Variants in SIMC1 observed in about 807,000 individuals in gnomAD.
SIMC1 encodes the protein SUMO interacting motifs containing 1.
Under a neutral mutation model 82.3 loss-of-function variants are expected in SIMC1, and 55 were observed. The ratio of observed to expected loss-of-function variants is 0.67; its 90% CI spans 0.54 to 0.84. The LOEUF is 0.84. Among genes scored for constraint, SIMC1 ranks in the 40% least tolerant of loss-of-function variants. The pLI is 0.00. For missense variants in SIMC1, 915 were observed against 1,107.2 expected (o/e 0.83, Z 2.46); for synonymous variants, 353 against 426.3 (o/e 0.83, Z 2.12).
Position 176,290,264 on chromosome 5 carries a change from TGTC to T in SIMC1, c.741_743del (p.Ser248del), listed in dbSNP as rs753682911. ...GCCTCCTCATGCCCACCACGAGCCTTGTCATGCCCATCACAAACCATGCAGTGC... is the reference window on the plus strand; with the variant it reads ...GCCTCCTCATGCCCACCACGAGCCTTATGCCCATCACAAACCATGCAGTGC... On this transcript the variant is annotated inframe_deletion, in exon 2 of 10. Coordinates refer to ENST00000429602, the MANE Select transcript of SIMC1 (RefSeq NM_001308195.2). 5.6e-6 allele frequency: 9 copies of T among 1,610,638 alleles called. No homozygotes were observed. In the East Asian group the frequency reaches 1.3e-4, roughly 24 times the overall value.
intron 7 of SIMC1, among the ~76,000 whole-genome samples, chr5:176,333,175 G>A (rs967422055): frequency 4.6e-5 from 7 of 151,832 alleles, no homozygotes; most frequent in Non-Finnish European, 7.4e-5. Context: ...GTGGTGGTGC[G>A]CACCTGTCAT....
chr5:176,271,059 G>A (rs148737785), intron 1 of SIMC1, among the ~76,000 whole-genome samples: 23 of 152,252 alleles, frequency 1.5e-4, no homozygotes, highest in African/African-American at 3.6e-4. Context: ...TCACAGCACC[G>A]GGAGGAGAGG....
chr5:176,318,200 G>A (rs1765001812), intron 5 of SIMC1, among the ~76,000 whole-genome samples: 1 of 152,166 alleles, frequency 6.6e-6, no homozygotes, highest in Non-Finnish European at 1.5e-5. Context: ...CCAGTCAGAG[G>A]TACTTTCAAT....
intron 1 of SIMC1, among the ~76,000 whole-genome samples, chr5:176,286,211 G>A (rs1181068648): frequency 6.6e-6 from 1 of 152,288 alleles, no homozygotes; most frequent in Non-Finnish European, 1.5e-5. Flanking sequence ...AAAGCTGGAG[G>A]CATCATGCTA....
At chr5:176,321,885 C>CTTTTTTTTTTTT (rs11418187) in intron 5 of SIMC1, among the ~76,000 whole-genome samples, 38 of 90,732 alleles carry the variant, frequency 4.2e-4, no homozygotes, top group Admixed American at 4.8e-4. Flanking sequence ...TTTTAGTTAG[C>CTTTTTTTTTTTT]TTTTTTTTTT....
chr5:176,271,849 CA>C (rs1217009040), intron 1 of SIMC1, among the ~76,000 whole-genome samples: 1 of 144,398 alleles, frequency 6.9e-6, no homozygotes, highest in Non-Finnish European at 1.5e-5. Flanking sequence ...TCATGTACCC[CA>C]TAGATATATA....
At chr5:176,319,643 T>C (rs1034541916) in intron 5 of SIMC1, among the ~76,000 whole-genome samples, 1 of 152,138 alleles carries the variant, frequency 6.6e-6, no homozygotes, top group Non-Finnish European at 1.5e-5. Context: ...CTGGGCAACA[T>C]AGCAAGACCC....
intron 1 of SIMC1, among the ~76,000 whole-genome samples, chr5:176,264,588 G>C (rs1414594453): frequency 6.6e-6 from 1 of 151,520 alleles, no homozygotes; most frequent in African/African-American, 2.4e-5. Context: ...TAGGCCTCTA[G>C]GCCTTTTTCC....
chr5:176,327,170 T>A (rs906280103), intron 7 of SIMC1, among the ~76,000 whole-genome samples: 1 of 152,036 alleles, frequency 6.6e-6, no homozygotes, highest in Non-Finnish European at 1.5e-5. Context: ...CAAAAAAAAA[T>A]TAGGAATTAA....
intron 4 of SIMC1, among the ~76,000 whole-genome samples, chr5:176,311,920 C>T (rs1474831121): frequency 6.6e-6 from 1 of 152,088 alleles, no homozygotes; most frequent in Non-Finnish European, 1.5e-5. Context: ...AGGGACAGGA[C>T]CTCTGAAAAT....
chr5:176,275,238 A>G lies in SIMC1; in HGVS notation c.130-14416A>G, dbSNP rs796438932. 1.4e-4 allele frequency among the ~76,000 whole-genome samples: 22 copies of G among 151,804 alleles called. No individual in the cohort carries two copies. The South Asian group carries it at 3.7e-3, about 26-fold the overall frequency. On this transcript the variant is annotated intron_variant, in intron 1 of 9. Transcript: ENST00000429602. ...TAGGTATTTTATTCTCTTTGAAGCA[A>G]TTGTGAATGGGAGTTCACTCATGAT...
rs552944517 is a variant in SIMC1 at position 176,305,614 on chromosome 5, G to A, written c.1735-8077G>A. Among the ~76,000 whole-genome samples the A allele has an allele frequency of 1.1e-4, 16 of 142,446 alleles. No individual in the cohort carries two copies. The East Asian group carries it at 1.3e-3, about 11-fold the overall frequency. 93.5% of individuals were successfully genotyped at this position (142,446 alleles called of 152,430 possible). On this transcript the variant is annotated intron_variant, in intron 4 of 9. Coordinates refer to ENST00000429602, the MANE Select transcript of SIMC1 (RefSeq NM_001308195.2). Reference sequence around the variant, plus strand: ...AGCCCTCCGCCCGGCCAACCCCCCCGTCTGGGAGGTGAGGGGCGCCTCTGC... The same window carrying A: ...AGCCCTCCGCCCGGCCAACCCCCCCATCTGGGAGGTGAGGGGCGCCTCTGC...
At chr5:176,263,316 T>G (rs1762078634) in intron 1 of SIMC1, 2 of 829,744 alleles carry the variant, frequency 2.4e-6, no homozygotes, top group Admixed American at 6.7e-5. Context: ...GACAAAAGAT[T>G]CAGAATAGCT....
intron 5 of SIMC1, among the ~76,000 whole-genome samples, chr5:176,315,006 A>T (rs1414317070): frequency 2.0e-5 from 3 of 152,206 alleles, no homozygotes. Context: ...AATGTTCGGT[A>T]GATTGGGTGC....
chr5:176,340,316 C>A (rs4623164), intron 9 of SIMC1, among the ~76,000 whole-genome samples: 20,410 of 152,206 alleles, frequency 0.13, 1,420 homozygotes, highest in Middle Eastern at 0.21. Flanking sequence ...CAATCCCCCC[C>A]ACCCCAGTTG....
chr5:176,326,045 A>G (rs754888141), intron 7 of SIMC1, among the ~76,000 whole-genome samples: 35 of 152,224 alleles, frequency 2.3e-4, no homozygotes, highest in Non-Finnish European at 4.7e-4. Flanking sequence ...GAAGAAAACT[A>G]AACTAGAATG....
intron 5 of SIMC1, among the ~76,000 whole-genome samples, chr5:176,317,072 C>G (rs1764944583): frequency 1.3e-5 from 2 of 151,976 alleles, no homozygotes; most frequent in Non-Finnish European, 2.9e-5. Context: ...TGTGCTTACT[C>G]AATGAAAAAA....
chr5:176,315,723 G>A (rs1284597830), intron 5 of SIMC1, among the ~76,000 whole-genome samples: 1 of 151,998 alleles, frequency 6.6e-6, no homozygotes, highest in Non-Finnish European at 1.5e-5. Context: ...TTATGTTTTG[G>A]GCATTGTTCA....
At chr5:176,249,785 A>G (rs1761585153) in intron 1 of SIMC1, among the ~76,000 whole-genome samples, 1 of 139,456 alleles carries the variant, frequency 7.2e-6, no homozygotes, top group South Asian at 2.4e-4. Context: ...TGGAGCTTGC[A>G]GTGAGCCGAG....
Sources: allele counts gnomAD v4.1 joint callset (sites outside exome capture counted in the v4.1 genomes callset), GRCh38; gene constraint gnomAD v4.1.1; transcripts MANE v1.5; gene names NCBI Gene and HGNC (gene_info 2026-07-23, HGNC 2026-07-21).